PLEKHF1: variants seen among roughly 807,000 people sequenced by gnomAD.
PLEKHF1 encodes the protein pleckstrin homology and FYVE domain containing 1.
PLEKHF1 carries 1 observed loss-of-function variant against 4.1 expected under a neutral mutation model. The ratio of observed to expected loss-of-function variants is 0.24; its 90% CI spans 0.09 to 1.15. PLEKHF1 has a LOEUF of 1.15. Ranked by LOEUF, PLEKHF1 falls within the 50% of genes most tolerant of loss-of-function variation. PLEKHF1 has a pLI of 0.52. For missense variants in PLEKHF1, 429 were observed against 400.6 expected (o/e 1.07, Z -0.60); for synonymous variants, 182 against 178.5 (o/e 1.02, Z -0.16).
At chr19:29,665,559 G>A (rs947069498) in intron 1 of PLEKHF1, 54 bp downstream of exon 1, 3 of 1,252,234 alleles carry the variant, frequency 2.4e-6, no homozygotes, top group Non-Finnish European at 3.1e-6. Flanking sequence ...GCAGGCGCAT[G>A]AGGCGAGTCT....
chr19:29,669,908 AT>A, intron 1 of PLEKHF1, among the ~76,000 whole-genome samples: 3 of 152,200 alleles, frequency 2.0e-5, no homozygotes, highest in Non-Finnish European at 4.4e-5. Context: ...TGTTAAGTAT[AT>A]TCCCATTGTT....
At chr19:29,672,448 C>A (rs1370977083) in intron 1 of PLEKHF1, among the ~76,000 whole-genome samples, 4 of 152,118 alleles carry the variant, frequency 2.6e-5, no homozygotes, top group African/African-American at 4.8e-5. Flanking sequence ...TCAGGGAGAA[C>A]CCTTTCAAAA....
chr19:29,674,400 G>C lies in PLEKHF1; in HGVS notation c.561G>C (p.Ser187=). 2 of 1,530,690 alleles carry C rather than the reference G, an allele frequency of 1.3e-6. No individual in the cohort carries two copies. Among genetic ancestry groups the C allele is most frequent in the Non-Finnish European group, 1.8e-6 (2 of 1,142,122 alleles). 94.8% of individuals were successfully genotyped at this position (1,530,690 alleles called of 1,614,324 possible). ...KCGFVVCAEC[S]RQRFLLPRLS... ...GCTTCGTGGTCTGCGCTGAGTGCTC[G>C]CGCCAGCGCTTCCTGCTCCCGCGCC... Residue 187 remains serine (S), a synonymous_variant, in exon 2 of 2, where the codon TCG becomes TCC. Transcript: ENST00000436066.
At chr19:29,667,079 C>A (rs895547183) in intron 1 of PLEKHF1, 10 of 152,622 alleles carry the variant, frequency 6.6e-5, no homozygotes, top group Non-Finnish European at 1.5e-4. Flanking sequence ...CTTGCCCCAT[C>A]GCTCCTTCCT....
At chr19:29,673,397 T>TG (rs1051654925) in intron 1 of PLEKHF1, among the ~76,000 whole-genome samples, 14 of 151,734 alleles carry the variant, frequency 9.2e-5, no homozygotes, top group African/African-American at 3.4e-4. Flanking sequence ...AGCACTTTTT[T>TG]TTTTTAAGAG....
In PLEKHF1 at chr19:29,667,997, C is replaced by T. The variant is rs181663231; in HGVS notation, c.-17+2492C>T. ...GCTCTCCAGCCCCTGCTGTTGATCA[C>T]GTATCACACCTGGGCTGCCACATAC... On this transcript the variant is annotated intron_variant, in intron 1 of 1. Coordinates refer to ENST00000436066, the MANE Select transcript of PLEKHF1 (RefSeq NM_024310.5). 1.1e-4 allele frequency among the ~76,000 whole-genome samples: 17 copies of T among 152,212 alleles called. 1 individual carries two copies. Among genetic ancestry groups the T allele is most frequent in the Admixed American group, 7.8e-4 (12 of 15,288 alleles).
chr19:29,670,148 T>C (rs896943298), intron 1 of PLEKHF1, among the ~76,000 whole-genome samples: 8 of 152,136 alleles, frequency 5.3e-5, no homozygotes, highest in Admixed American at 1.3e-4. Context: ...GCCAGGCTGG[T>C]CTCGAACTCC....
At chr19:29,667,347 G>A (rs1971580094) in intron 1 of PLEKHF1, among the ~76,000 whole-genome samples, 1 of 152,220 alleles carries the variant, frequency 6.6e-6, no homozygotes, top group Non-Finnish European at 1.5e-5. Flanking sequence ...GTGCATTCCT[G>A]AAGGGCCTGG....
At position 29,671,033 on chromosome 19, in the gene PLEKHF1, G is replaced by T. The variant is rs1971626267; in HGVS notation, c.-16-2791G>T. On this transcript the variant is annotated intron_variant, in intron 1 of 1. Coordinates refer to ENST00000436066, the MANE Select transcript of PLEKHF1 (RefSeq NM_024310.5). The surrounding 1 kb of genome is among the most constrained non-coding windows in gnomAD (Gnocchi z 4.0). ...ACCAGTTCCTATTCTCATCAGCAGT[G>T]CACAGTTTCCAGTTTCTCCACACCC... 6.6e-6 allele frequency among the ~76,000 whole-genome samples: 1 copy of T among 151,686 alleles called. No homozygotes were observed. The highest frequency in any genetic ancestry group is 2.4e-5 in the African/African-American group (1 of 41,280).
intron 1 of PLEKHF1, among the ~76,000 whole-genome samples, chr19:29,665,967 G>C (rs1040852732): frequency 2.6e-5 from 4 of 152,058 alleles, no homozygotes; most frequent in Admixed American, 6.5e-5. Flanking sequence ...GGCGCGGCGG[G>C]GGGCGCTGGG....
At chr19:29,670,062 G>T (rs1971613140) in intron 1 of PLEKHF1, among the ~76,000 whole-genome samples, 1 of 152,130 alleles carries the variant, frequency 6.6e-6, no homozygotes, top group African/African-American at 2.4e-5. Flanking sequence ...CTCCTCAGTA[G>T]CAGGGATTGT....
At chr19:29,666,496 A>T (rs116927431) in intron 1 of PLEKHF1, among the ~76,000 whole-genome samples, 1,819 of 144,988 alleles carry the variant, frequency 0.013, 28 homozygotes, top group Non-Finnish European at 0.016. Context: ...GCCCACCCCG[A>T]GGAAGGAAGG....
rs751395650 is a variant in PLEKHF1, at chr19:29,673,950, G to T, written c.111G>T (p.Leu37=). 6.2e-7 allele frequency: 1 copy of T among 1,613,796 alleles called. No individual in the cohort carries two copies. The highest frequency in any genetic ancestry group is 2.2e-5 in the East Asian group (1 of 44,886). The part of the protein sequence containing the change: ...QPLALPGRVL[L]GEGVLTKECR... ...TGGCGCTGCCAGGCCGAGTGCTGCTGGGCGAGGGCGTGCTGACCAAAGAGT... is the reference window on the plus strand; with the variant it reads ...TGGCGCTGCCAGGCCGAGTGCTGCTTGGCGAGGGCGTGCTGACCAAAGAGT... The change falls in exon 2 of 2, where the codon CTG becomes CTT. Residue 37 remains leucine (L), a synonymous_variant. Coordinates refer to ENST00000436066, the MANE Select transcript of PLEKHF1 (RefSeq NM_024310.5).
At chr19:29,667,782 G>A (rs889854753) in intron 1 of PLEKHF1, among the ~76,000 whole-genome samples, 12 of 152,206 alleles carry the variant, frequency 7.9e-5, no homozygotes, top group African/African-American at 1.9e-4. Flanking sequence ...CCTGTTCAGC[G>A]TGCCCTGCAG....
chr19:29,669,904 G>A (rs1189302006), intron 1 of PLEKHF1, among the ~76,000 whole-genome samples: 2 of 152,042 alleles, frequency 1.3e-5, no homozygotes, highest in East Asian at 3.8e-4. Flanking sequence ...GTAGTGTTAA[G>A]TATATTCCCA....
chr19:29,668,827 T>C (rs1030075210), intron 1 of PLEKHF1, among the ~76,000 whole-genome samples: 1 of 152,062 alleles, frequency 6.6e-6, no homozygotes, highest in African/African-American at 2.4e-5. Context: ...GATGTGAAGT[T>C]GTGGTCATGT....
At chr19:29,673,325 C>T (rs1383693078) in intron 1 of PLEKHF1, among the ~76,000 whole-genome samples, 3 of 152,078 alleles carry the variant, frequency 2.0e-5, no homozygotes, top group Non-Finnish European at 4.4e-5. Flanking sequence ...CCCTGTTTTT[C>T]AAGGCTCCCC....
At chr19:29,673,448 G>A (rs984692225) in intron 1 of PLEKHF1, among the ~76,000 whole-genome samples, 2 of 151,646 alleles carry the variant, frequency 1.3e-5, no homozygotes, top group Non-Finnish European at 2.9e-5. Context: ...GTAGTGGCAT[G>A]ATCATAGCTC....
intron 1 of PLEKHF1, among the ~76,000 whole-genome samples, chr19:29,669,926 C>A (rs1354469638): frequency 6.6e-6 from 1 of 152,092 alleles, no homozygotes; most frequent in Non-Finnish European, 1.5e-5. Context: ...TGTTGTGCAA[C>A]AGATCTCCAA....
Sources: gnomAD v4.1 joint callset for allele counts (sites outside exome capture counted in the v4.1 genomes callset) on GRCh38, gnomAD v4.1.1 for gene constraint, Gnocchi (gnomAD v3.1) non-coding constraint, MANE v1.5 for transcripts, NCBI Gene and HGNC (gene_info 2026-07-23, HGNC 2026-07-21) for gene names.